The following CHRNA6 variants were observed in gnomAD, a reference collection of about 807,000 sequenced individuals.
The protein encoded by CHRNA6 is neuronal acetylcholine receptor subunit alpha-6.
In CHRNA6, 31 loss-of-function variants were observed where a neutral mutation model predicts 40.9. That is an observed-to-expected ratio of 0.76 (90% CI 0.57 to 1.02). CHRNA6 has a LOEUF of 1.02. Among genes scored for constraint, CHRNA6 ranks in the 50% least tolerant of loss-of-function variants. The pLI is 0.00. For synonymous variants in CHRNA6, 222 were observed against 221.3 expected, an observed-to-expected ratio of 1.00 and a Z score of -0.03; for missense variants, 546 against 596.6, an observed-to-expected ratio of 0.92 and a Z score of 0.88.
At position 42,768,473 on chromosome 8, in the gene CHRNA6, G is replaced by A. The variant is rs1817002147; in HGVS notation, c.-43C>T. 6.5e-7 allele frequency: 1 copy of A among 1,528,170 alleles called. No individual in the cohort carries two copies. The highest frequency in any genetic ancestry group is 9.1e-7 in the Non-Finnish European group (1 of 1,102,746). 94.7% of individuals were successfully genotyped at this position (1,528,170 alleles called of 1,614,324 possible). The stretch of plus-strand genomic sequence containing the variant: ...ATTCCTTTTTCCTAGGCAAAGGATT[G>A]TGGAAAACAAAGAGCTATCAGTCAG... On this transcript the variant is annotated 5_prime_UTR_variant, in exon 1 of 6. Transcript: ENST00000276410.
At chr8:42,767,124 C>T (rs966514421) in intron 1 of CHRNA6, among the ~76,000 whole-genome samples, 3 of 152,244 alleles carry the variant, frequency 2.0e-5, no homozygotes, top group South Asian at 2.1e-4. Context: ...ACTGCCACCA[C>T]GCCCAGCTAA....
At chr8:42,767,971 G>C (rs1816996416) in intron 1 of CHRNA6, among the ~76,000 whole-genome samples, 1 of 152,068 alleles carries the variant, frequency 6.6e-6, no homozygotes, top group Non-Finnish European at 1.5e-5. Context: ...AAAATGGAAG[G>C]GTTCATTGAC....
At chr8:42,762,574 G>A (rs574714995) in intron 2 of CHRNA6, among the ~76,000 whole-genome samples, 6 of 152,270 alleles carry the variant, frequency 3.9e-5, no homozygotes, top group Middle Eastern at 3.4e-3. Flanking sequence ...GCTTGAGCCC[G>A]GGAGGCGTAG....
At chr8:42,755,711 C>T in intron 5 of CHRNA6, 135 bp downstream of exon 5, 1 of 1,013,622 alleles carries the variant, frequency 9.9e-7, no homozygotes, top group Non-Finnish European at 1.5e-6. Context: ...CACATAATAA[C>T]AGAGCCAGGT....
chr8:42,759,251 A>G, intron 2 of CHRNA6, 138 bp from the exon 3 acceptor site: 1 of 661,522 alleles, frequency 1.5e-6, no homozygotes. Context: ...AATGTGTGAA[A>G]GCATTCAGCA....
chr8:42,759,363 C>T lies in CHRNA6; in HGVS notation c.220-250G>A, dbSNP rs545523486. ...TTCATAGCTGATTTAAGCCTCACCTCTTCTGTGAAGTGCTTCCGATCTCTG... is the reference window on the plus strand; with the variant it reads ...TTCATAGCTGATTTAAGCCTCACCTTTTCTGTGAAGTGCTTCCGATCTCTG... On this transcript the variant is annotated intron_variant, in intron 2 of 5. Transcript: ENST00000276410. The T allele has an allele frequency of 1.2e-4, 56 of 460,064 alleles. No individual in the cohort carries two copies. The East Asian group carries it at 2.0e-3, about 17-fold the overall frequency. The allele number at this position is 460,064 out of a possible 1,614,324, so 28.5% of individuals were successfully genotyped here. A position where few individuals can be genotyped will look rare whatever the true frequency, so the allele number is the denominator to read the frequency against.
intron 1 of CHRNA6, 27 bp downstream of exon 1, chr8:42,768,325 A>G (rs1169176549): frequency 6.4e-7 from 1 of 1,566,516 alleles, no homozygotes; most frequent in Non-Finnish European, 8.8e-7. Context: ...AAAAGGGAAT[A>G]GAAGATAAAG....
In CHRNA6 at chr8:42,756,560, G is replaced by C. The variant is rs368168912; in HGVS notation, c.639C>G (p.Gly213=). The change falls in exon 5 of 6, where the codon GGC becomes GGG. Residue 213 remains glycine (G), a synonymous_variant. Transcript: ENST00000276410. The stretch of plus-strand genomic sequence containing the variant: ...AGTTGTATTTGATGTCATGTTTGTA[G>C]CCAGAGGCATCAATGATTTCCCATT... The part of the protein sequence containing the change: ...NSEWEIIDAS[G]YKHDIKYNCC... 6.2e-7 allele frequency: 1 copy of C among 1,614,056 alleles called. No individual in the cohort carries two copies. Among genetic ancestry groups the C allele is most frequent in the Non-Finnish European group, 8.5e-7 (1 of 1,179,998 alleles).
chr8:42,763,566 C>G (rs1816934803), intron 2 of CHRNA6, among the ~76,000 whole-genome samples: 1 of 152,154 alleles, frequency 6.6e-6, no homozygotes, highest in Admixed American at 6.5e-5. Context: ...TGAGGTAGCC[C>G]TCACAGACTT....
At chr8:42,759,185 C>A (rs926157082) in intron 2 of CHRNA6, 72 bp from the exon 3 acceptor site, 26 of 1,208,544 alleles carry the variant, frequency 2.2e-5, no homozygotes, top group Middle Eastern at 1.9e-4. Flanking sequence ...GCAAAAATTA[C>A]AACTAAAAAG....
intron 1 of CHRNA6, among the ~76,000 whole-genome samples, chr8:42,767,566 ATC>A (rs1816992171): frequency 6.6e-6 from 1 of 152,236 alleles, no homozygotes; most frequent in African/African-American, 2.4e-5. Flanking sequence ...AAATGGAAAG[ATC>A]TCTGTTAAAT....
intron 5 of CHRNA6, among the ~76,000 whole-genome samples, chr8:42,753,572 T>C (rs561160262): frequency 1.3e-5 from 2 of 151,748 alleles, no homozygotes; most frequent in Non-Finnish European, 2.9e-5. Flanking sequence ...TACTCAGGAG[T>C]CTGAGGCAAG....
At chr8:42,759,895 CAA>C (rs796621742) in intron 2 of CHRNA6, among the ~76,000 whole-genome samples, 1,013 of 99,358 alleles carry the variant, frequency 0.01, 8 homozygotes, top group African/African-American at 0.029. Flanking sequence ...GACTCCATCT[CAA>C]AAAAAAAAAA....
intron 3 of CHRNA6, 109 bp from the exon 4 acceptor site, chr8:42,757,146 A>T: frequency 1.3e-6 from 1 of 749,662 alleles, no homozygotes; most frequent in Non-Finnish European, 2.2e-6. Context: ...CAGGCAGGTC[A>T]CTTGAGGTCA....
intron 1 of CHRNA6, 113 bp downstream of exon 1, chr8:42,768,239 C>G (rs1181881601): frequency 1.1e-5 from 9 of 790,700 alleles, no homozygotes; most frequent in Non-Finnish European, 1.7e-5. Context: ...GTGGTGGCTC[C>G]TATGCAGACC....
Position 42,765,080 on chromosome 8 carries a change from G to A in CHRNA6, c.204C>T (p.Thr68=), listed in dbSNP as rs745714051. ...PVTVHFEVAI[T]QLANVDEVNQ... is the part of the protein sequence containing the mutation. The stretch of plus-strand genomic sequence containing the variant: ...GGGCACTCACCACGTTGGCCAGCTG[G>A]GTGATGGCCACTTCAAAGTGTACCG... The change falls in exon 2 of 6, where the codon ACC becomes ACT. Residue 68 remains threonine (T), a synonymous_variant. Coordinates refer to ENST00000276410, the MANE Select transcript of CHRNA6 (RefSeq NM_004198.3). 3.1e-6 allele frequency: 5 copies of A among 1,614,078 alleles called. No individual in the cohort carries two copies. Among genetic ancestry groups the A allele is most frequent in the Non-Finnish European group, 4.2e-6 (5 of 1,179,964 alleles).
chr8:42,759,176 C>G, intron 2 of CHRNA6, 63 bp from the exon 3 acceptor site: 1 of 1,266,902 alleles, frequency 7.9e-7, no homozygotes, highest in Non-Finnish European at 1.2e-6. Flanking sequence ...AGACTTAGAG[C>G]AAAAATTACA....
intron 3 of CHRNA6, among the ~76,000 whole-genome samples, chr8:42,758,373 G>T (rs10109864): frequency 0.33 from 49,064 of 149,608 alleles, 11,009 homozygotes; most frequent in African/African-American, 0.65. Context: ...GTTTTGTTTT[G>T]TTTTCAAGAC....
intron 2 of CHRNA6, chr8:42,759,360 C>T: frequency 2.1e-6 from 1 of 477,806 alleles, no homozygotes; most frequent in Non-Finnish European, 3.8e-6. Flanking sequence ...TTAAGCCTCA[C>T]CTCTTCTGTG....
Sources: allele counts gnomAD v4.1 joint callset (sites outside exome capture counted in the v4.1 genomes callset), GRCh38; gene constraint gnomAD v4.1.1; transcripts MANE v1.5; gene names NCBI Gene and HGNC (gene_info 2026-07-23, HGNC 2026-07-21).